The following ADGRE2 variants were observed in gnomAD, a reference collection of about 807,000 sequenced individuals.
ADGRE2 encodes CD97 antigen.
Under a neutral mutation model 100.8 loss-of-function variants are expected in ADGRE2, and 83 were observed. That is an observed-to-expected ratio of 0.82 (90% confidence interval 0.69 to 0.99). The LOEUF (loss-of-function observed/expected upper bound fraction) is 0.99. ADGRE2 is among the 50% of genes least tolerant of loss of function. ADGRE2 has a pLI of 0.00. For synonymous variants in ADGRE2, 355 were observed against 413.0 expected, an observed-to-expected ratio of 0.86 and a Z score of 1.70; for missense variants, 814 against 1,035.7, an observed-to-expected ratio of 0.79 and a Z score of 2.94.
intron 20 of ADGRE2, among the ~76,000 whole-genome samples, chr19:14,739,796 T>C (rs180884728): frequency 2.0e-4 from 31 of 152,176 alleles, no homozygotes; most frequent in African/African-American, 7.2e-4. Context: ...ATGAAGGCTG[T>C]AGGAGAGTCA....
intron 11 of ADGRE2, among the ~76,000 whole-genome samples, chr19:14,759,115 C>A (rs542887049): frequency 1.3e-5 from 2 of 152,192 alleles, no homozygotes; most frequent in African/African-American, 4.8e-5. Flanking sequence ...CAAATGGATT[C>A]TCTACCTGGC....
At chr19:14,749,128 T>C (rs2043181331) in intron 16 of ADGRE2, among the ~76,000 whole-genome samples, 1 of 150,344 alleles carries the variant, frequency 6.7e-6, no homozygotes, top group African/African-American at 2.4e-5. Context: ...TATATAACCA[T>C]ATAATATTCC....
chr19:14,728,875 C>T (rs1379287159), downstream of ADGRE2, among the ~76,000 whole-genome samples: 1 of 152,182 alleles, frequency 6.6e-6, no homozygotes, highest in Non-Finnish European at 1.5e-5. Context: ...GGTTTTATAT[C>T]CTTAACGCAA....
intron 4 of ADGRE2, among the ~76,000 whole-genome samples, chr19:14,773,271 A>AT (rs1373832527): frequency 6.9e-6 from 1 of 145,710 alleles, no homozygotes; most frequent in Non-Finnish European, 1.5e-5. Flanking sequence ...CCCCCTTCAT[A>AT]TTTTTTCCTT....
intron 2 of ADGRE2, 43 bp from the exon 3 acceptor site, chr19:14,774,349 T>A: frequency 8.1e-7 from 1 of 1,228,590 alleles, no homozygotes; most frequent in Non-Finnish European, 1.1e-6. Context: ...GATCCCAGGG[T>A]GGGAAAGGAG....
At chr19:14,751,222 A>T (rs1167915586) in intron 16 of ADGRE2, among the ~76,000 whole-genome samples, 1 of 152,122 alleles carries the variant, frequency 6.6e-6, no homozygotes, top group Non-Finnish European at 1.5e-5. Context: ...CATTCAGAAA[A>T]TTTCCGAAAA....
intron 20 of ADGRE2, among the ~76,000 whole-genome samples, chr19:14,738,918 G>A (rs867099084): frequency 3.3e-5 from 5 of 151,636 alleles, no homozygotes; most frequent in Admixed American, 2.6e-4. Context: ...GAAAGCCATG[G>A]CAGAGACTGC....
rs146436422 is a variant in ADGRE2, at chr19:14,755,444, C to T, written c.1416+210G>A. On this transcript the variant is annotated intron_variant, in intron 13 of 20. Transcript: ENST00000315576. ...CTCCAGCCTGGCTGACACAGCGAGA[C>T]TCTGTCTCAATAAAAAAAAGAACAC... Among the ~76,000 whole-genome samples, 648 of 152,070 alleles carry T rather than the reference C, an allele frequency of 4.3e-3. 7 individuals carry two copies. Among genetic ancestry groups the T allele is most frequent in the African/African-American group, 0.014 (592 of 41,490 alleles).
chr19:14,769,385 G>T (rs3795034), intron 5 of ADGRE2, among the ~76,000 whole-genome samples: 44,539 of 152,030 alleles, frequency 0.29, 7,378 homozygotes, highest in African/African-American at 0.45. Context: ...TGTGATGCCT[G>T]GAGTAAGTGG....
chr19:14,732,128 C>T (rs1481001062), downstream of ADGRE2: 3 of 152,152 alleles, frequency 2.0e-5, no homozygotes, highest in East Asian at 1.9e-4. Flanking sequence ...ATGCCTTGCA[C>T]GAGAGTATAG....
Position 14,774,135 on chromosome 19 carries a change from G to A in ADGRE2, c.83-81C>T. 3.3e-6 allele frequency: 5 copies of A among 1,513,758 alleles called. No homozygotes were observed. The South Asian group carries it at 5.7e-5, about 17-fold the overall frequency. The allele number at this position is 1,513,758 out of a possible 1,614,324, so 93.8% of individuals were successfully genotyped here. On this transcript the variant is annotated intron_variant, in intron 3 of 20. Transcript: ENST00000315576. ...GGGGCACTGGGGGAGATGGGGCAGA[G>A]CGCTGAGTTTCCCGTGCACGAGCCC...
chr19:14,755,303 A>G (rs200790395), intron 13 of ADGRE2, among the ~76,000 whole-genome samples, 176 bp from the exon 14 acceptor site: 2 of 150,714 alleles, frequency 1.3e-5, no homozygotes, highest in East Asian at 3.9e-4. Flanking sequence ...AAATACAAAA[A>G]TTAGCTGGGC....
chr19:14,763,212 G>A (rs2043792498), intron 11 of ADGRE2, among the ~76,000 whole-genome samples: 2 of 151,818 alleles, frequency 1.3e-5, no homozygotes, highest in African/African-American at 2.4e-5. Flanking sequence ...GCGTGGTGGC[G>A]GGCACCTGTA....
rs1206219443 is a variant in ADGRE2 at position 14,756,332 on chromosome 19, C to G, written c.1098G>C (p.Glu366Asp). ...CACTCCTGTCTACTTGCTTCTGCACCTCCAGGGACAATTCTATGAGTTGTG... is the reference window on the plus strand; with the variant it reads ...CACTCCTGTCTACTTGCTTCTGCACGTCCAGGGACAATTCTATGAGTTGTG... ...SYPAGTELSLEVQKQVDRSVT... is the reference protein window; with the variant it reads ...SYPAGTELSLDVQKQVDRSVT... The change falls in exon 12 of 21, where the codon GAG becomes GAC. Residue 366 changes from glutamate to aspartate, a missense_variant. By Grantham distance (45) the Glu-to-Asp change is conservative. Around this residue, in one of 5 missense-constraint regions of ADGRE2, gnomAD observed 569 missense variants for 692.7 expected, o/e 0.82. Coordinates refer to ENST00000315576, the MANE Select transcript of ADGRE2 (RefSeq NM_013447.4). 2 of 1,613,406 alleles carry G rather than the reference C, an allele frequency of 1.2e-6. No homozygotes were observed. The highest frequency in any genetic ancestry group is 1.7e-6 in the Non-Finnish European group (2 of 1,179,570).
chr19:14,751,693 C>A, intron 15 of ADGRE2, 22 bp from the exon 16 acceptor site: 1 of 1,586,432 alleles, frequency 6.3e-7, no homozygotes, highest in Non-Finnish European at 8.7e-7. Context: ...GTAAAAGACG[C>A]CCAGAGCGGC....
chr19:14,777,059 T>C, intron 1 of ADGRE2, 132 bp from the exon 2 acceptor site: 1 of 1,226,202 alleles, frequency 8.2e-7, no homozygotes, highest in Non-Finnish European at 1.0e-6. Context: ...GCTTTAAAAA[T>C]CCCTCTGCTG....
intron 20 of ADGRE2, among the ~76,000 whole-genome samples, chr19:14,740,328 A>T: frequency 6.6e-6 from 1 of 151,860 alleles, no homozygotes; most frequent in East Asian, 1.9e-4. Flanking sequence ...GGTTGGATGA[A>T]AAAGGTAATG....
At chr19:14,730,526 T>C (rs1336174087), downstream of ADGRE2, among the ~76,000 whole-genome samples, 2 of 151,968 alleles carry the variant, frequency 1.3e-5, no homozygotes, top group Non-Finnish European at 2.9e-5. Flanking sequence ...TTTTTCTTTG[T>C]CTTCCTCTCT....
rs2043324139 is a variant in ADGRE2 at position 14,752,325 on chromosome 19, AT to A, written c.1788+3del. The stretch of plus-strand genomic sequence containing the variant: ...GGAGCCCTCTGGAACACCGCTGTCA[AT>A]ACCTTGTGTCCGGTTTGATCAATTG... On this transcript the variant is annotated splice_donor_region_variant and intron_variant, in intron 15 of 20. Transcript: ENST00000315576. 1.2e-6 allele frequency: 2 copies of A among 1,614,046 alleles called. No individual in the cohort carries two copies. The highest frequency in any genetic ancestry group is 1.7e-6 in the Non-Finnish European group (2 of 1,179,942).
Sources: gnomAD v4.1 joint callset for allele counts (sites outside exome capture counted in the v4.1 genomes callset) on GRCh38, gnomAD v4.1.1 for gene constraint, gnomAD v4.1.1 regional missense constraint, MANE v1.5 for transcripts, NCBI Gene and HGNC (gene_info 2026-07-23, HGNC 2026-07-21) for gene names.